The following ARID4A variants were observed in gnomAD, a reference collection of about 807,000 sequenced individuals.
ARID4A encodes the protein AT-rich interactive domain-containing protein 4A.
ARID4A carries 39 observed loss-of-function variants against 148.6 expected under a neutral mutation model. That is an observed-to-expected ratio of 0.26 (90% CI 0.20 to 0.34). The LOEUF (loss-of-function observed/expected upper bound fraction) is 0.34, where lower values mean the gene tolerates loss of function less well. ARID4A is among the 10% of genes least tolerant of loss of function. The pLI, the probability that ARID4A is intolerant of heterozygous loss-of-function variation, is 1.00. For synonymous variants in ARID4A, 475 were observed against 481.2 expected, an observed-to-expected ratio of 0.99 and a Z score of 0.17; for missense variants, 1,265 against 1,449.1, an observed-to-expected ratio of 0.87 and a Z score of 2.06.
chr14:58,315,869 T>G (rs1205662578), intron 5 of ARID4A, among the ~76,000 whole-genome samples: 1 of 152,220 alleles, frequency 6.6e-6, no homozygotes, highest in African/African-American at 2.4e-5. Context: ...TGACTGTGTA[T>G]AGCACAGCTG....
chr14:58,318,283 T>C (rs2140162603), intron 5 of ARID4A, among the ~76,000 whole-genome samples: 1 of 152,282 alleles, frequency 6.6e-6, no homozygotes, highest in Non-Finnish European at 1.5e-5. Context: ...GTTAAGAAGG[T>C]GGTTCTGTAG....
chr14:58,329,917 G>A (rs552220321), intron 10 of ARID4A, 86 bp from the exon 11 acceptor site: 1 of 1,515,602 alleles, frequency 6.6e-7, no homozygotes, highest in Non-Finnish European at 8.8e-7. Flanking sequence ...TTTGAATTCA[G>A]ATCTTTGATT....
At chr14:58,369,033 TAGC>T in intron 23 of ARID4A, among the ~76,000 whole-genome samples, 3 of 152,206 alleles carry the variant, frequency 2.0e-5, no homozygotes. Context: ...TAAAATATGA[TAGC>T]AGGAATTTAA....
At chr14:58,355,031 G>A (rs1436144953) in intron 17 of ARID4A, among the ~76,000 whole-genome samples, 1 of 152,198 alleles carries the variant, frequency 6.6e-6, no homozygotes, top group African/African-American at 2.4e-5. Context: ...GGACAGTGTG[G>A]CCTAGCTATG....
intron 17 of ARID4A, among the ~76,000 whole-genome samples, chr14:58,357,246 A>G (rs1244235150): frequency 6.6e-6 from 1 of 152,202 alleles, no homozygotes; most frequent in Admixed American, 6.5e-5. Context: ...CTAAGCTGTG[A>G]TGTTCAGTAG....
chr14:58,309,099 C>T (rs962138843), intron 5 of ARID4A, among the ~76,000 whole-genome samples: 8 of 152,082 alleles, frequency 5.3e-5, no homozygotes, highest in African/African-American at 1.7e-4. Flanking sequence ...ATCTTACCCT[C>T]TAATGGTTTA....
At chr14:58,367,558 C>G (rs892209882) in intron 23 of ARID4A, among the ~76,000 whole-genome samples, 1 of 152,182 alleles carries the variant, frequency 6.6e-6, no homozygotes, top group African/African-American at 2.4e-5. Context: ...ATCTTAACAT[C>G]TAGTGGAACA....
At chr14:58,364,048 C>A in intron 19 of ARID4A, 122 bp from the exon 20 acceptor site, 1 of 451,088 alleles carries the variant, frequency 2.2e-6, no homozygotes, top group Non-Finnish European at 3.5e-6. Context: ...GAAATTTCTA[C>A]AGGGAGGTAT....
In ARID4A at chr14:58,353,810, A is replaced by G. The variant is rs1166250432; in HGVS notation, c.1808A>G (p.Asp603Gly). The G allele has an allele frequency of 6.2e-7, 1 of 1,613,836 alleles. No homozygotes were observed. The highest frequency in any genetic ancestry group is 1.3e-5 in the African/African-American group (1 of 74,924). The stretch of plus-strand genomic sequence containing the variant: ...AGTATTAAAAGCACTGAAATTGATG[A>G]CGGAGAAGTTTTATATTTGGTACAT... ...EASIKSTEID[D>G]GEVLYLVHYY... is the part of the protein sequence containing the mutation. Residue 603 changes from aspartate to glycine, a missense_variant, in exon 17 of 24, where the codon GAC becomes GGC. Physicochemically the swap from Asp to Gly is moderately conservative, Grantham distance 94 (BLOSUM62 -1). Transcript: ENST00000355431.
chr14:58,363,626 G>A (rs555520405), intron 19 of ARID4A, among the ~76,000 whole-genome samples: 2 of 152,106 alleles, frequency 1.3e-5, no homozygotes, highest in South Asian at 4.1e-4. Context: ...AATCCAGGAG[G>A]CGGAGCTTGC....
At chr14:58,360,436 G>A (rs2035084350) in intron 18 of ARID4A, among the ~76,000 whole-genome samples, 2 of 152,082 alleles carry the variant, frequency 1.3e-5, no homozygotes, top group Admixed American at 6.5e-5. Context: ...CATATATACT[G>A]GCCAATTGTA....
intron 3 of ARID4A, chr14:58,303,624 A>G: frequency 2.2e-6 from 1 of 451,710 alleles, no homozygotes; most frequent in Non-Finnish European, 4.7e-6. Flanking sequence ...GACCCTCAAA[A>G]TTTGTTGAAT....
chr14:58,307,189 T>A (rs2031674687), intron 5 of ARID4A, among the ~76,000 whole-genome samples: 1 of 152,238 alleles, frequency 6.6e-6, no homozygotes, highest in Non-Finnish European at 1.5e-5. Flanking sequence ...ATTTCTTGGT[T>A]TAAGTGGTAT....
Position 58,372,239 on chromosome 14 carries a change from C to A in ARID4A, c.*250C>A. 2 of 392,676 alleles carry A rather than the reference C, an allele frequency of 5.1e-6. No homozygotes were observed. Among genetic ancestry groups the A allele is most frequent in the Non-Finnish European group, 4.6e-6 (1 of 216,072 alleles). 24.3% of individuals were successfully genotyped at this position (392,676 alleles called of 1,614,324 possible). A position where few individuals can be genotyped will look rare whatever the true frequency, so the allele number is the denominator to read the frequency against. ...ATTTTTCCTCTTTACTTTTGTTTTTCGTTTGTTGTGATATAGAACAAAGGG... is the reference window on the plus strand; with the variant it reads ...ATTTTTCCTCTTTACTTTTGTTTTTAGTTTGTTGTGATATAGAACAAAGGG... On this transcript the variant is annotated 3_prime_UTR_variant, in exon 24 of 24. Transcript: ENST00000355431.
Position 58,315,880 on chromosome 14 carries a change from C to CT in ARID4A, c.275-2656dup, listed in dbSNP as rs538932851. Reference sequence around the variant, plus strand: ...TCATTGACTGTGTATAGCACAGCTGCTTTTTTAGAATCATGGTTCTTTGAG... The same window carrying CT: ...TCATTGACTGTGTATAGCACAGCTGCTTTTTTTAGAATCATGGTTCTTTGAG... On this transcript the variant is annotated intron_variant, in intron 5 of 23. Coordinates refer to ENST00000355431, the MANE Select transcript of ARID4A (RefSeq NM_002892.4). Among the ~76,000 whole-genome samples the CT allele has an allele frequency of 1.1e-3, 163 of 152,218 alleles. 3 individuals are homozygous for CT. Among genetic ancestry groups the CT allele is most frequent in the Non-Finnish European group, 1.3e-3 (90 of 68,008 alleles).
chr14:58,327,011 A>G (rs922940311), intron 8 of ARID4A, among the ~76,000 whole-genome samples: 12 of 152,242 alleles, frequency 7.9e-5, no homozygotes, highest in African/African-American at 2.7e-4. Flanking sequence ...CAAACAAACA[A>G]ATACTTCCAT....
chr14:58,371,600 C>T (rs1227411158), intron 23 of ARID4A, among the ~76,000 whole-genome samples: 3 of 152,108 alleles, frequency 2.0e-5, no homozygotes, highest in Non-Finnish European at 4.4e-5. Flanking sequence ...GAGCCAAGTT[C>T]CTTCATGGGA....
chr14:58,354,838 A>G (rs531329784), intron 17 of ARID4A, among the ~76,000 whole-genome samples: 4 of 152,206 alleles, frequency 2.6e-5, no homozygotes, highest in South Asian at 2.1e-4. Flanking sequence ...AGAAACAGCA[A>G]TCACCCACAT....
At position 58,351,304 on chromosome 14, in the gene ARID4A, G is replaced by A; in HGVS notation, c.1636G>A (p.Glu546Lys). The change falls in exon 16 of 24, where the codon GAA (glutamate) becomes AAA (lysine). Residue 546 changes from glutamate to lysine, a missense_variant. Glu to Lys is a moderately conservative substitution (Grantham distance 56). This residue lies in a region of ARID4A where 205 missense variants were observed against 196.9 expected (regional missense o/e 1.04). Transcript: ENST00000355431. ...TTCTGACAAAGACTCAGATGAAGAG[G>A]AAGAGAAAAGCCAAGAGAGGTACAT... The part of the protein sequence containing the change: ...EDSDKDSDEE[E>K]EKSQEREETE... 6.2e-7 allele frequency: 1 copy of A among 1,601,232 alleles called. No individual in the cohort carries two copies. The highest frequency in any genetic ancestry group is 8.5e-7 in the Non-Finnish European group (1 of 1,177,128).
Sources: allele counts gnomAD v4.1 joint callset (sites outside exome capture counted in the v4.1 genomes callset), GRCh38; gene constraint gnomAD v4.1.1; regional missense constraint gnomAD v4.1.1; transcripts MANE v1.5; gene names NCBI Gene and HGNC (gene_info 2026-07-23, HGNC 2026-07-21).